Variants in ALDH1A3 observed in about 807,000 individuals in gnomAD.
ALDH1A3 encodes the protein aldehyde dehydrogenase 1 family member A3.
A neutral mutation model predicts 57.5 loss-of-function variants in ALDH1A3; 28 were observed. The observed-to-expected ratio is 0.49, with a 90% CI of 0.36 to 0.67. ALDH1A3 has a LOEUF of 0.67. Ranked by LOEUF, ALDH1A3 falls within the 30% of genes least tolerant of loss-of-function variation. The pLI is 0.00. For missense variants in ALDH1A3, 507 were observed against 669.4 expected (o/e 0.76, Z 2.68); for synonymous variants, 281 against 264.8 (o/e 1.06, Z -0.59).
In ALDH1A3 at chr15:100,898,083, G is replaced by T. The variant is rs2041726587; in HGVS notation, c.781G>T (p.Val261Phe). The T allele has an allele frequency of 6.2e-7, 1 of 1,613,810 alleles. No individual in the cohort carries two copies. Among genetic ancestry groups the T allele is most frequent in the African/African-American group, 1.3e-5 (1 of 74,946 alleles). ...TTGTGATCTGTGTTCTGTCCTGGAG[G>T]TTGGAAAACTGGTTAAAGAAGCTGC... is the stretch of plus-strand genomic sequence containing the variant. The part of the protein sequence containing the change: ...NKIAFTGSTE[V>F]GKLVKEAASR... Residue 261 changes from valine to phenylalanine, a missense_variant and splice_region_variant, in exon 8 of 13, where the codon GTT becomes TTT. Val to Phe is a conservative substitution (Grantham distance 50, BLOSUM62 -1). This residue lies in a region of ALDH1A3 where 432 missense variants were observed against 608.4 expected (regional missense o/e 0.71). Transcript: ENST00000329841.
In ALDH1A3 at chr15:100,887,505, A is replaced by C. The variant is rs2141549920; in HGVS notation, c.205-67A>C. On this transcript the variant is annotated intron_variant, in intron 2 of 12. Transcript: ENST00000329841. This position sits in a 1 kb window ranked among gnomAD's most constrained non-coding sequence, Gnocchi z 4.6. ...GACACCCAAACTTCAGTCACGTCAA[A>C]AGATGACACCCAAACTGCAGTCACG... 6.9e-7 allele frequency: 1 copy of C among 1,456,120 alleles called. No individual in the cohort carries two copies. The highest frequency in any genetic ancestry group is 9.1e-7 in the Non-Finnish European group (1 of 1,095,700). The allele number at this position is 1,456,120 out of a possible 1,614,324, so 90.2% of individuals were successfully genotyped here. A position where few individuals can be genotyped will look rare whatever the true frequency, so the allele number is the denominator to read the frequency against.
chr15:100,883,625 A>G (rs1446731526), intron 1 of ALDH1A3, among the ~76,000 whole-genome samples: 2 of 149,232 alleles, frequency 1.3e-5, no homozygotes, highest in East Asian at 2.0e-4. Flanking sequence ...CTTCCTCACT[A>G]TGAGCTTCAG....
intron 1 of ALDH1A3, chr15:100,880,514 A>C (rs1349183663): frequency 3.4e-6 from 1 of 294,912 alleles, no homozygotes; most frequent in Non-Finnish European, 6.2e-6. Context: ...GGGTCCTCCG[A>C]GCAAAGCGCA....
At position 100,879,915 on chromosome 15, in the gene ALDH1A3, C is replaced by G. The variant is rs1231761763; in HGVS notation, c.8C>G (p.Thr3Ser). The G allele has an allele frequency of 2.7e-6, 4 of 1,456,600 alleles. No homozygotes were observed. The highest frequency in any genetic ancestry group is 2.5e-5 in the Admixed American group (1 of 40,384). 90.2% of individuals were successfully genotyped at this position (1,456,600 alleles called of 1,614,324 possible). A position where few individuals can be genotyped will look rare whatever the true frequency, so the allele number is the denominator to read the frequency against. MA[T>S]ANGAVENGQP... is the part of the protein sequence containing the mutation. ...AGGGAGCGCGGAGGAGCCATGGCCA[C>G]CGCTAACGGGGCCGTGGAAAACGGG... Residue 3 changes from threonine (T) to serine (S), a missense_variant, in exon 1 of 13, where the codon ACC becomes AGC. Physicochemically the swap from Thr to Ser is moderately conservative, Grantham distance 58 (BLOSUM62 1). Transcript: ENST00000329841.
chr15:100,909,434 A>G (rs2041860987), intron 12 of ALDH1A3, among the ~76,000 whole-genome samples: 1 of 138,288 alleles, frequency 7.2e-6, no homozygotes, highest in African/African-American at 2.8e-5. Flanking sequence ...GTGTGTGCAA[A>G]CCCACTGCAA....
chr15:100,884,551 G>A (rs1031623438), intron 1 of ALDH1A3, among the ~76,000 whole-genome samples: 1 of 145,916 alleles, frequency 6.9e-6, no homozygotes, highest in African/African-American at 2.6e-5. Flanking sequence ...ATCAAGCTTC[G>A]GAGGTTTTTC....
At chr15:100,888,386 G>T (rs903378079) in intron 3 of ALDH1A3, 2 of 152,222 alleles carry the variant, frequency 1.3e-5, no homozygotes, top group African/African-American at 4.8e-5. Context: ...TGGGATTACA[G>T]ATGTGAGCCA....
At position 100,900,777 on chromosome 15, in the gene ALDH1A3, T is replaced by C. The variant is rs764995226; in HGVS notation, c.1068+18T>C. 1 of 1,611,630 alleles carries C rather than the reference T, an allele frequency of 6.2e-7. No individual in the cohort carries two copies. The highest frequency in any genetic ancestry group is 1.3e-5 in the African/African-American group (1 of 75,002). On this transcript the variant is annotated intron_variant, in intron 9 of 12. Coordinates refer to ENST00000329841, the MANE Select transcript of ALDH1A3 (RefSeq NM_000693.4). ...GGCCTCAGGTAATCCCCCTGGTGTG[T>C]GTGAAACCATGGTGCTTGTCTAGGG...
intron 1 of ALDH1A3, among the ~76,000 whole-genome samples, chr15:100,882,708 C>T (rs2041557485): frequency 6.6e-6 from 1 of 152,196 alleles, no homozygotes; most frequent in Non-Finnish European, 1.5e-5. Context: ...AATGCTATAC[C>T]TCTATAAGGT....
At chr15:100,903,771 CTTA>C (rs1304618741) in intron 9 of ALDH1A3, among the ~76,000 whole-genome samples, 2 of 152,154 alleles carry the variant, frequency 1.3e-5, no homozygotes, top group Non-Finnish European at 2.9e-5. Context: ...GGTAGAACAT[CTTA>C]TTATATATTT....
chr15:100,891,810 C>A (rs139694198), intron 3 of ALDH1A3, among the ~76,000 whole-genome samples: 3 of 152,222 alleles, frequency 2.0e-5, no homozygotes, highest in Non-Finnish European at 4.4e-5. Context: ...TCTTCCACCC[C>A]GGCTGGAAAT....
intron 2 of ALDH1A3, among the ~76,000 whole-genome samples, chr15:100,886,604 ACTCCCTGCTGTAC>A (rs370456904): frequency 2.0e-5 from 3 of 151,066 alleles, no homozygotes; most frequent in African/African-American, 7.3e-5. Flanking sequence ...TCCCACATCC[ACTCCCTGCTGTAC>A]CTTCCTAGAA....
Position 100,900,712 on chromosome 15 carries a change from C to A in ALDH1A3, c.1021C>A (p.Arg341=). The change falls in exon 9 of 13, where the codon CGG becomes AGG. Residue 341 remains arginine (R), a synonymous_variant. Transcript: ENST00000329841. ...VRRSVEYAKK[R]PVGDPFDVKT... ...GCGGAGCGTGGAGTATGCCAAGAAA[C>A]GGCCCGTGGGAGACCCCTTCGATGT... The A allele has an allele frequency of 6.2e-7, 1 of 1,614,106 alleles. No homozygotes were observed. Among genetic ancestry groups the A allele is most frequent in the Non-Finnish European group, 8.5e-7 (1 of 1,180,018 alleles).
chr15:100,882,132 G>A (rs2041553123), intron 1 of ALDH1A3, among the ~76,000 whole-genome samples: 1 of 152,252 alleles, frequency 6.6e-6, no homozygotes, highest in Non-Finnish European at 1.5e-5. Flanking sequence ...TTCCAAAATT[G>A]ACTCATGGTG....
At chr15:100,898,019 G>A (rs550119844) in intron 7 of ALDH1A3, 64 bp from the exon 8 acceptor site, 7 of 1,512,464 alleles carry the variant, frequency 4.6e-6, no homozygotes, top group Middle Eastern at 1.7e-4. Context: ...GTTCACTGAT[G>A]TTTACGCCTG....
chr15:100,911,453 C>T (rs1303086303), intron 12 of ALDH1A3, among the ~76,000 whole-genome samples: 1 of 152,260 alleles, frequency 6.6e-6, no homozygotes, highest in East Asian at 1.9e-4. Context: ...GCTTCCCTCC[C>T]TGACCTTCAG....
At position 100,879,893 on chromosome 15, in the gene ALDH1A3, G is replaced by A. The variant is rs1312799132; in HGVS notation, c.-15G>A. ...GCAGACTAGGGCGCCTCGGGCCAGG[G>A]AGCGCGGAGGAGCCATGGCCACCGC... On this transcript the variant is annotated 5_prime_UTR_variant, in exon 1 of 13. Coordinates refer to ENST00000329841, the MANE Select transcript of ALDH1A3 (RefSeq NM_000693.4). 1.4e-6 allele frequency: 2 copies of A among 1,402,706 alleles called. No individual in the cohort carries two copies. The highest frequency in any genetic ancestry group is 3.1e-5 in the East Asian group (1 of 32,206). 86.9% of individuals were successfully genotyped at this position (1,402,706 alleles called of 1,614,324 possible).
intron 1 of ALDH1A3, chr15:100,881,137 C>T (rs933892188): frequency 2.0e-5 from 3 of 152,244 alleles, no homozygotes; most frequent in African/African-American, 7.2e-5. Context: ...TTGCAGGGCA[C>T]TATGTGTGGC....
At chr15:100,888,287 C>G (rs2041616635) in intron 3 of ALDH1A3, among the ~76,000 whole-genome samples, 1 of 152,074 alleles carries the variant, frequency 6.6e-6, no homozygotes, top group Non-Finnish European at 1.5e-5. Flanking sequence ...GTAACAGAGA[C>G]AGGGTTTCAT....
Sources: gnomAD v4.1 joint callset for allele counts (sites outside exome capture counted in the v4.1 genomes callset) on GRCh38, gnomAD v4.1.1 for gene constraint, gnomAD v4.1.1 regional missense constraint, Gnocchi (gnomAD v3.1) non-coding constraint, MANE v1.5 for transcripts, NCBI Gene and HGNC (gene_info 2026-07-23, HGNC 2026-07-21) for gene names.